MARCHF1: variants seen among roughly 807,000 people sequenced by gnomAD.
MARCHF1 encodes the protein E3 ubiquitin-protein ligase MARCHF1.
MARCHF1 carries 40 observed loss-of-function variants against 54.2 expected under a neutral mutation model. That is an observed-to-expected ratio of 0.74 (90% CI 0.57 to 0.96). The LOEUF is 0.96. Among genes scored for constraint, MARCHF1 ranks in the 40% least tolerant of loss-of-function variants. The pLI, the probability that MARCHF1 is intolerant of heterozygous loss-of-function variation, is 0.00. For missense variants in MARCHF1, 586 were observed against 656.5 expected (o/e 0.89, Z 1.17); for synonymous variants, 236 against 236.3 (o/e 1.00, Z 0.01).
chr4:163,978,575 G>A (rs140269221), intron 3 of MARCHF1, among the ~76,000 whole-genome samples: 2,218 of 152,240 alleles, frequency 0.015, 30 homozygotes, highest in Non-Finnish European at 0.021. Flanking sequence ...TTCCACAGCT[G>A]CAAAGCATCA....
intron 1 of MARCHF1, among the ~76,000 whole-genome samples, chr4:164,349,538 T>G (rs994216266): frequency 3.3e-5 from 5 of 152,206 alleles, no homozygotes; most frequent in Non-Finnish European, 7.3e-5. Context: ...AGTACTTATT[T>G]TCTAGTATTT....
intron 3 of MARCHF1, among the ~76,000 whole-genome samples, chr4:163,930,947 T>G (rs1579401159): frequency 6.6e-6 from 1 of 152,128 alleles, no homozygotes; most frequent in Non-Finnish European, 1.5e-5. Context: ...CTCAAATTCA[T>G]ATGTGGAAGC....
intron 5 of MARCHF1, among the ~76,000 whole-genome samples, chr4:163,659,778 A>G (rs1743279780): frequency 6.6e-6 from 1 of 152,160 alleles, no homozygotes; most frequent in Non-Finnish European, 1.5e-5. Context: ...ACATTTATGC[A>G]GCCAACAAAC....
chr4:164,179,464 T>C (rs1730776644), intron 1 of MARCHF1, among the ~76,000 whole-genome samples: 1 of 152,124 alleles, frequency 6.6e-6, no homozygotes, highest in Admixed American at 6.5e-5. Context: ...AATACACTAA[T>C]ACAATAATAT....
chr4:163,722,540 T>A (rs536612140), intron 4 of MARCHF1, among the ~76,000 whole-genome samples: 31 of 152,340 alleles, frequency 2.0e-4, no homozygotes, highest in Admixed American at 4.6e-4. Flanking sequence ...TAGATGTCTA[T>A]TAGGTCCACT....
chr4:164,344,022 T>A (rs1258294721), intron 1 of MARCHF1, among the ~76,000 whole-genome samples: 1 of 152,144 alleles, frequency 6.6e-6, no homozygotes, highest in East Asian at 1.9e-4. Flanking sequence ...AGTACATATA[T>A]ATCATGGACT....
chr4:164,335,948 T>C (rs932189079), intron 1 of MARCHF1, among the ~76,000 whole-genome samples: 1 of 152,158 alleles, frequency 6.6e-6, no homozygotes, highest in African/African-American at 2.4e-5. Context: ...GTATGCTATC[T>C]AGTATTTTCA....
At chr4:163,630,708 G>T (rs571467405) in intron 5 of MARCHF1, among the ~76,000 whole-genome samples, 1 of 152,104 alleles carries the variant, frequency 6.6e-6, no homozygotes, top group Non-Finnish European at 1.5e-5. Flanking sequence ...TATGTTCAAG[G>T]TGAGATATTA....
intron 3 of MARCHF1, among the ~76,000 whole-genome samples, chr4:163,897,966 T>A (rs1323361554): frequency 7.3e-6 from 1 of 136,098 alleles, no homozygotes; most frequent in East Asian, 2.2e-4. Context: ...GAGGCTGAGG[T>A]GGGAGAATGG....
At chr4:164,118,123 A>G (rs1027629079) in intron 1 of MARCHF1, among the ~76,000 whole-genome samples, 2 of 151,096 alleles carry the variant, frequency 1.3e-5, no homozygotes, top group African/African-American at 4.9e-5. Flanking sequence ...AAAGTCACTA[A>G]CAAAAAAACA....
intron 1 of MARCHF1, among the ~76,000 whole-genome samples, chr4:164,147,757 G>C (rs112485910): frequency 0.18 from 25,972 of 144,610 alleles, 3,809 homozygotes; most frequent in African/African-American, 0.39. Context: ...CACCAGCATG[G>C]CACATGTATA....
chr4:164,096,178 G>A (rs924096168), intron 2 of MARCHF1, among the ~76,000 whole-genome samples: 9 of 152,098 alleles, frequency 5.9e-5, no homozygotes, highest in Non-Finnish European at 1.3e-4. Context: ...GGTGCCCATC[G>A]ATGGTGGACT....
At chr4:164,283,280 T>A (rs1734070025) in intron 1 of MARCHF1, among the ~76,000 whole-genome samples, 1 of 150,918 alleles carries the variant, frequency 6.6e-6, no homozygotes, top group Non-Finnish European at 1.5e-5. Flanking sequence ...CTACTTCTCC[T>A]CTTTAGTAAT....
chr4:164,099,244 A>G lies in MARCHF1; in HGVS notation c.-248+12344T>C, dbSNP rs1755482163. ...AAAGTCAGAATATTTCAGCAGATTG[A>G]TATTTATGTACAATCGTGCTACCAT... On this transcript the variant is annotated intron_variant, in intron 2 of 9. Transcript: ENST00000514618. 2.0e-5 allele frequency among the ~76,000 whole-genome samples: 3 copies of G among 152,174 alleles called. No homozygotes were observed. The South Asian group carries it at 6.2e-4, about 31-fold the overall frequency.
chr4:164,143,279 C>A (rs566350985), intron 1 of MARCHF1, among the ~76,000 whole-genome samples: 5 of 149,870 alleles, frequency 3.3e-5, no homozygotes, highest in African/African-American at 1.2e-4. Context: ...CTTCCCCAAT[C>A]TAGCAAGGCA....
chr4:164,309,371 A>G lies in MARCHF1; in HGVS notation c.-323+74499T>C, dbSNP rs149221866. Among the ~76,000 whole-genome samples, 393 of 152,052 alleles carry G rather than the reference A, an allele frequency of 2.6e-3. 1 individual carries two copies. Among genetic ancestry groups the G allele is most frequent in the Non-Finnish European group, 3.1e-3 (212 of 67,980 alleles). ...CCCTGCCACATTTCAGGAAGAGGCA[A>G]TGATAATGATGCCCCACTGACAGAA... is the stretch of plus-strand genomic sequence containing the variant. On this transcript the variant is annotated intron_variant, in intron 1 of 9. Transcript: ENST00000514618.
intron 2 of MARCHF1, among the ~76,000 whole-genome samples, chr4:164,011,449 G>A (rs566404972): frequency 2.0e-5 from 3 of 152,180 alleles, no homozygotes; most frequent in Non-Finnish European, 4.4e-5. Flanking sequence ...ATTAAAAACT[G>A]GGCAAAAGAT....
chr4:163,974,685 C>T (rs1297916165), intron 3 of MARCHF1, among the ~76,000 whole-genome samples: 1 of 152,102 alleles, frequency 6.6e-6, no homozygotes, highest in African/African-American at 2.4e-5. Flanking sequence ...TGAAAAAGTG[C>T]TATCATAAAA....
At chr4:164,347,051 G>A (rs1382076774) in intron 1 of MARCHF1, among the ~76,000 whole-genome samples, 1 of 151,924 alleles carries the variant, frequency 6.6e-6, no homozygotes, top group Non-Finnish European at 1.5e-5. Context: ...GTGTTTGCTG[G>A]GAAGACATGG....
Sources: gnomAD v4.1 joint callset for allele counts (sites outside exome capture counted in the v4.1 genomes callset) on GRCh38, gnomAD v4.1.1 for gene constraint, MANE v1.5 for transcripts, NCBI Gene and HGNC (gene_info 2026-07-23, HGNC 2026-07-21) for gene names.